Variants in NDUFA9 observed in about 807,000 individuals in gnomAD.
NDUFA9 encodes NADH dehydrogenase [ubiquinone] 1 alpha subcomplex subunit 9, mitochondrial.
Under a neutral mutation model 45.9 loss-of-function variants are expected in NDUFA9, and 23 were observed. The ratio of observed to expected loss-of-function variants is 0.50; its 90% CI spans 0.36 to 0.71. The LOEUF is 0.71. NDUFA9 is among the 30% of genes least tolerant of loss of function. NDUFA9 has a pLI of 0.00. For missense variants in NDUFA9, 466 were observed against 488.2 expected (o/e 0.95, Z 0.43); for synonymous variants, 176 against 170.5 (o/e 1.03, Z -0.25).
chr12:4,655,045 TC>T, intron 3 of NDUFA9, 123 bp downstream of exon 3: 2 of 697,288 alleles, frequency 2.9e-6, no homozygotes, highest in Non-Finnish European at 4.6e-6. Flanking sequence ...CATCCTCTGT[TC>T]CCAGGTCATT....
At chr12:4,650,028 G>A (rs763140010) in intron 1 of NDUFA9, among the ~76,000 whole-genome samples, 8 of 152,118 alleles carry the variant, frequency 5.3e-5, no homozygotes, top group African/African-American at 1.9e-4. Flanking sequence ...TTTTCTTAGT[G>A]TATTTTAGTC....
Position 4,690,876 on chromosome 12 carries a change from T to G in NDUFA9, c.*3768T>G, listed in dbSNP as rs1946015371. The stretch of plus-strand genomic sequence containing the variant: ...ATCTTGATGTTAACCTGCTGAAATG[T>G]GTGTGTTGGACCGGGGTGAGGAGGA... On this transcript the variant is annotated 3_prime_UTR_variant, in exon 11 of 11. Transcript: ENST00000266544. 1 of 152,166 alleles carries G rather than the reference T, an allele frequency of 6.6e-6. No individual in the cohort carries two copies. The highest frequency in any genetic ancestry group is 2.4e-5 in the African/African-American group (1 of 41,408). The allele number at this position is 152,166 out of a possible 1,614,324, so 9.4% of individuals were successfully genotyped here.
chr12:4,682,222 T>A lies in NDUFA9; in HGVS notation c.818T>A (p.Leu273His). 6.2e-7 allele frequency: 1 copy of A among 1,611,014 alleles called. No individual in the cohort carries two copies. ...FAFVGPSRYL[L>H]FHLVKYIFAV... is the part of the protein sequence containing the mutation. ...TTTTATAGTCCCAGTCGGTACCTCC[T>A]TTTCCACCTGGTGAAGTACATCTTT... is the stretch of plus-strand genomic sequence containing the variant. The change falls in exon 9 of 11, where the codon CTT (leucine) becomes CAT (histidine). Residue 273 changes from leucine to histidine, a missense_variant. Coordinates refer to ENST00000266544, the MANE Select transcript of NDUFA9 (RefSeq NM_005002.5).
At chr12:4,651,551 T>G (rs1379917991) in intron 1 of NDUFA9, among the ~76,000 whole-genome samples, 1 of 152,188 alleles carries the variant, frequency 6.6e-6, no homozygotes, top group Non-Finnish European at 1.5e-5. Context: ...GACATTACCT[T>G]CTGAGAAATT....
chr12:4,683,233 G>C (rs1477465454), intron 9 of NDUFA9, among the ~76,000 whole-genome samples: 3 of 151,426 alleles, frequency 2.0e-5, no homozygotes, highest in Non-Finnish European at 2.9e-5. Flanking sequence ...GGTAACTGTT[G>C]ATGGGAGCTC....
Position 4,659,039 on chromosome 12 carries a change from C to G in NDUFA9, c.414C>G (p.Asn138Lys). The G allele has an allele frequency of 6.2e-7, 1 of 1,611,950 alleles. No individual in the cohort carries two copies. Among genetic ancestry groups the G allele is most frequent in the Non-Finnish European group, 8.5e-7 (1 of 1,178,978 alleles). ...CCTTTTATTTTTTATCTTCCAGAAACTTTGATTTTGAGGATGTTTTTGTGA... is the reference window on the plus strand; with the variant it reads ...CCTTTTATTTTTTATCTTCCAGAAAGTTTGATTTTGAGGATGTTTTTGTGA... ...NLIGRDWETK[N>K]FDFEDVFVKI... is the part of the protein sequence containing the mutation. Residue 138 changes from asparagine to lysine, a missense_variant, in exon 5 of 11, where the codon AAC (asparagine) becomes AAG (lysine). Asn to Lys is a moderately conservative substitution (Grantham distance 94). Transcript: ENST00000266544.
intron 6 of NDUFA9, among the ~76,000 whole-genome samples, chr12:4,666,247 T>C (rs1211225994): frequency 6.6e-6 from 1 of 152,234 alleles, no homozygotes; most frequent in Non-Finnish European, 1.5e-5. Flanking sequence ...TATTTTTTGT[T>C]ATTGAGTTGT....
chr12:4,652,336 A>C (rs1945764308), intron 1 of NDUFA9, among the ~76,000 whole-genome samples: 1 of 152,250 alleles, frequency 6.6e-6, no homozygotes, highest in South Asian at 2.1e-4. Flanking sequence ...ACAAACAAAC[A>C]AACCTATTCC....
Position 4,669,828 on chromosome 12 carries a change from A to G in NDUFA9, c.800+11A>G. ...CTTTGCTTTCGTTGGGTAAGTGCTT[A>G]GAGTTTGAATTTTAAATTGTGCTAT... On this transcript the variant is annotated intron_variant, in intron 8 of 10. Coordinates refer to ENST00000266544, the MANE Select transcript of NDUFA9 (RefSeq NM_005002.5). 6.3e-7 allele frequency: 1 copy of G among 1,593,300 alleles called. No individual in the cohort carries two copies. The highest frequency in any genetic ancestry group is 1.3e-5 in the African/African-American group (1 of 74,566).
chr12:4,680,189 G>GGA (rs776562014), intron 8 of NDUFA9, among the ~76,000 whole-genome samples: 6 of 152,120 alleles, frequency 3.9e-5, no homozygotes, highest in Non-Finnish European at 7.3e-5. Flanking sequence ...GCATTTCCTA[G>GGA]GAGAACATGT....
At chr12:4,685,992 T>C (rs1945984250) in intron 10 of NDUFA9, among the ~76,000 whole-genome samples, 1 of 152,238 alleles carries the variant, frequency 6.6e-6, no homozygotes, top group Non-Finnish European at 1.5e-5. Context: ...GTAGAGAAGA[T>C]GAGAAAGTAG....
chr12:4,656,356 G>C (rs1324038199), intron 3 of NDUFA9, among the ~76,000 whole-genome samples: 2 of 152,158 alleles, frequency 1.3e-5, no homozygotes, highest in Non-Finnish European at 2.9e-5. Flanking sequence ...CAAAATTGAA[G>C]TATTTAAAAA....
chr12:4,651,071 C>T (rs1339987419), intron 1 of NDUFA9, among the ~76,000 whole-genome samples: 1 of 152,170 alleles, frequency 6.6e-6, no homozygotes, highest in Non-Finnish European at 1.5e-5. Flanking sequence ...GTATGCCACA[C>T]ACTATTCTAA....
rs201029973 is a variant in NDUFA9, at chr12:4,662,669, A to G, written c.655+34A>G. 1,093 of 1,517,876 alleles carry G rather than the reference A, an allele frequency of 7.2e-4. 5 individuals are homozygous for G. Among genetic ancestry groups the G allele is most frequent in the Non-Finnish European group, 9.6e-4 (1,054 of 1,093,016 alleles). 94.0% of individuals were successfully genotyped at this position (1,517,876 alleles called of 1,614,324 possible). A position where few individuals can be genotyped will look rare whatever the true frequency, so the allele number is the denominator to read the frequency against. ...TCTTTCTTAATGGTAGAAGAGAGGG[A>G]TACTGATTAACCAAGTTGAAGCTGC... On this transcript the variant is annotated intron_variant, in intron 6 of 10. Transcript: ENST00000266544.
chr12:4,652,145 C>T (rs1945763397), intron 1 of NDUFA9, among the ~76,000 whole-genome samples: 1 of 152,122 alleles, frequency 6.6e-6, no homozygotes, highest in Non-Finnish European at 1.5e-5. Flanking sequence ...AATTCTTTGC[C>T]TTTTCTCTTG....
At chr12:4,678,154 G>A (rs528545681) in intron 8 of NDUFA9, among the ~76,000 whole-genome samples, 4 of 152,176 alleles carry the variant, frequency 2.6e-5, no homozygotes, top group African/African-American at 9.6e-5. Flanking sequence ...GCTAGAGGAG[G>A]GATAGCATTA....
At chr12:4,659,370 A>G (rs1324138043) in intron 5 of NDUFA9, among the ~76,000 whole-genome samples, 193 bp downstream of exon 5, 1 of 152,126 alleles carries the variant, frequency 6.6e-6, no homozygotes, top group Non-Finnish European at 1.5e-5. Context: ...TTTGCAGGGA[A>G]CTGTGCTATG....
chr12:4,669,629 C>CTCCTTCCT (rs536665062), intron 7 of NDUFA9, 112 bp from the exon 8 acceptor site: 33 of 663,426 alleles, frequency 5.0e-5, no homozygotes, highest in Non-Finnish European at 7.7e-5. Context: ...TTCCTCCTTT[C>CTCCTTCCT]TCCTTCCTTC....
intron 6 of NDUFA9, chr12:4,667,430 G>T (rs570274121): frequency 1.9e-5 from 3 of 159,946 alleles, no homozygotes; most frequent in African/African-American, 7.3e-5. Flanking sequence ...GTGGTTTTCA[G>T]CATATGTGTC....
Sources: gnomAD v4.1 joint callset for allele counts (sites outside exome capture counted in the v4.1 genomes callset) on GRCh38, gnomAD v4.1.1 for gene constraint, MANE v1.5 for transcripts, NCBI Gene and HGNC (gene_info 2026-07-23, HGNC 2026-07-21) for gene names.